The following LIMA1 variants were observed in gnomAD, a reference collection of about 807,000 sequenced individuals.
LIMA1 encodes LIM domain and actin-binding protein 1.
A neutral mutation model predicts 62.6 loss-of-function variants in LIMA1; 52 were observed. The observed-to-expected ratio is 0.83, with a 90% CI of 0.67 to 1.05. LIMA1 has a LOEUF of 1.05. Among genes scored for constraint, LIMA1 ranks in the 50% least tolerant of loss-of-function variants. LIMA1 has a pLI of 0.00. For missense variants in LIMA1, 780 were observed against 902.2 expected (o/e 0.86, Z 1.74); for synonymous variants, 302 against 317.8 (o/e 0.95, Z 0.53).
In LIMA1 at chr12:50,222,260, T is replaced by C. The variant is rs1941455731; in HGVS notation, c.391A>G (p.Arg131Gly). ...TGAACGAGGGCTTCAGGAGGTGACC[T>C]GAGTCTAGATCTGGGGTGGATTTGT... ...EEQIHPRSRL[R>G]SPPEALVQGR... The change falls in exon 4 of 11, where the codon AGG (arginine) becomes GGG (glycine). Residue 131 changes from arginine to glycine, a missense_variant. By Grantham distance (125) the Arg-to-Gly change is moderately radical. Coordinates refer to ENST00000341247, the MANE Select transcript of LIMA1 (RefSeq NM_016357.5). The C allele has an allele frequency of 6.2e-7, 1 of 1,613,960 alleles. No individual in the cohort carries two copies. Among genetic ancestry groups the C allele is most frequent in the Non-Finnish European group, 8.5e-7 (1 of 1,179,840 alleles).
chr12:50,254,886 C>T (rs1211020220), intron 1 of LIMA1, among the ~76,000 whole-genome samples: 1 of 151,898 alleles, frequency 6.6e-6, no homozygotes, highest in Non-Finnish European at 1.5e-5. Context: ...ATGGTAAAAC[C>T]CTGTCTCTAC....
chr12:50,234,994 G>C (rs1592543084), intron 2 of LIMA1, among the ~76,000 whole-genome samples: 1 of 152,082 alleles, frequency 6.6e-6, no homozygotes, highest in African/African-American at 2.4e-5. Flanking sequence ...CTGAGCTACA[G>C]AGTAAGACCC....
At chr12:50,218,902 A>G (rs1180033535) in intron 4 of LIMA1, among the ~76,000 whole-genome samples, 2 of 132,898 alleles carry the variant, frequency 1.5e-5, no homozygotes, top group Admixed American at 1.4e-4. Flanking sequence ...CCATAAAAAA[A>G]AAAAAAACAA....
chr12:50,192,025 C>T (rs1267781932), intron 9 of LIMA1, among the ~76,000 whole-genome samples: 2 of 150,524 alleles, frequency 1.3e-5, no homozygotes, highest in Admixed American at 1.3e-4. Context: ...ATCCCAGCCA[C>T]TCAGGAGGCT....
intron 2 of LIMA1, chr12:50,234,312 G>T: frequency 3.2e-6 from 1 of 317,196 alleles, no homozygotes. Flanking sequence ...GGGTTCAAGT[G>T]ATTCTCATCC....
At chr12:50,265,963 C>T (rs1388891265) in intron 1 of LIMA1, among the ~76,000 whole-genome samples, 3 of 152,114 alleles carry the variant, frequency 2.0e-5, no homozygotes, top group African/African-American at 7.2e-5. Context: ...CTCAACAAGC[C>T]TACTTGTTGA....
chr12:50,192,323 C>A, intron 9 of LIMA1, 129 bp downstream of exon 9: 1 of 714,594 alleles, frequency 1.4e-6, no homozygotes, highest in African/African-American at 1.7e-5. Context: ...CTTCAGTGTG[C>A]TCTTCTGTGG....
intron 2 of LIMA1, among the ~76,000 whole-genome samples, chr12:50,247,329 T>G (rs1187936979): frequency 6.6e-6 from 1 of 151,908 alleles, no homozygotes; most frequent in Non-Finnish European, 1.5e-5. Context: ...CAACACAACT[T>G]TGAACTCCCC....
At chr12:50,194,947 C>T (rs1272147491) in intron 8 of LIMA1, among the ~76,000 whole-genome samples, 2 of 152,064 alleles carry the variant, frequency 1.3e-5, no homozygotes, top group African/African-American at 4.8e-5. Flanking sequence ...ACTCAGGAAG[C>T]TGAGACAGGA....
Position 50,279,812 on chromosome 12 carries a change from A to T in LIMA1, c.-24+3608T>A, listed in dbSNP as rs528084252. Among the ~76,000 whole-genome samples, 3 of 152,314 alleles carry T rather than the reference A, an allele frequency of 2.0e-5. No homozygotes were observed. The South Asian group carries it at 6.2e-4, about 32-fold the overall frequency. ...AATTTTTGCTCAGACGCCAAAGCTG[A>T]GCAAATGTTACCTGTTTAGTAAAAC... On this transcript the variant is annotated intron_variant, in intron 1 of 10. Coordinates refer to ENST00000341247, the MANE Select transcript of LIMA1 (RefSeq NM_016357.5).
chr12:50,183,680 G>A (rs1006496077), intron 9 of LIMA1, among the ~76,000 whole-genome samples: 2 of 151,508 alleles, frequency 1.3e-5, no homozygotes, highest in East Asian at 1.9e-4. Flanking sequence ...GCATGGTGGC[G>A]TGTGCCTATA....
chr12:50,204,283 A>G (rs967935206), intron 6 of LIMA1: 3 of 336,156 alleles, frequency 8.9e-6, no homozygotes, highest in Non-Finnish European at 1.6e-5. Flanking sequence ...AAGATTAAGT[A>G]GAAGAGCCAG....
chr12:50,255,037 A>C (rs556583256), intron 1 of LIMA1, among the ~76,000 whole-genome samples: 59 of 88,416 alleles, frequency 6.7e-4, no homozygotes, highest in African/African-American at 2.5e-3. Flanking sequence ...CAAAACCAAA[A>C]AAAACAAAAC....
intron 4 of LIMA1, among the ~76,000 whole-genome samples, chr12:50,206,769 C>T (rs893828652): frequency 6.6e-6 from 1 of 152,136 alleles, no homozygotes. Flanking sequence ...AGTCTGAGTA[C>T]CTTGCCAACA....
chr12:50,278,228 G>A (rs1942297634), intron 1 of LIMA1, among the ~76,000 whole-genome samples: 1 of 152,086 alleles, frequency 6.6e-6, no homozygotes, highest in Non-Finnish European at 1.5e-5. Flanking sequence ...AGACCATCCT[G>A]GCTAACACGG....
chr12:50,244,963 G>A (rs1211965577), intron 2 of LIMA1, among the ~76,000 whole-genome samples: 2 of 152,126 alleles, frequency 1.3e-5, no homozygotes, highest in African/African-American at 4.8e-5. Context: ...GGGTCACTGG[G>A]AATAAGAGTT....
chr12:50,191,820 T>C (rs1158811940), intron 9 of LIMA1, among the ~76,000 whole-genome samples: 3 of 148,210 alleles, frequency 2.0e-5, no homozygotes, highest in African/African-American at 7.5e-5. Context: ...AGACTCTGTC[T>C]CAAAACAAAA....
chr12:50,226,708 G>A (rs376280609), intron 3 of LIMA1, among the ~76,000 whole-genome samples: 113 of 151,990 alleles, frequency 7.4e-4, no homozygotes, highest in African/African-American at 2.5e-3. Context: ...GCGTGGTGGC[G>A]TGCGCCTGTA....
At chr12:50,264,327 C>G (rs1170420645) in intron 1 of LIMA1, among the ~76,000 whole-genome samples, 1 of 152,140 alleles carries the variant, frequency 6.6e-6, no homozygotes. Context: ...ATTAAAACCG[C>G]TGAACTGAGC....
Sources: gnomAD v4.1 joint callset for allele counts (sites outside exome capture counted in the v4.1 genomes callset) on GRCh38, gnomAD v4.1.1 for gene constraint, MANE v1.5 for transcripts, NCBI Gene and HGNC (gene_info 2026-07-23, HGNC 2026-07-21) for gene names.